Variants in LDB2 observed in about 807,000 individuals in gnomAD.
LDB2 encodes the protein LIM domain binding 2.
In LDB2, 12 loss-of-function variants were observed where a neutral mutation model predicts 44.3. That is an observed-to-expected ratio of 0.27 (90% CI 0.17 to 0.44). The LOEUF is 0.44. LDB2 is among the 20% of genes least tolerant of loss of function. The probability of loss-of-function intolerance (pLI) is 1.00; values close to 1 mark genes in which losing one functional copy is unlikely to be tolerated. For missense variants in LDB2, 344 were observed against 473.5 expected, an observed-to-expected ratio of 0.73 and a Z score of 2.54; for synonymous variants, 164 against 174.8, an observed-to-expected ratio of 0.94 and a Z score of 0.49.
At chr4:16,646,269 T>C (rs1441182345) in intron 2 of LDB2, among the ~76,000 whole-genome samples, 1 of 152,242 alleles carries the variant, frequency 6.6e-6, no homozygotes, top group East Asian at 1.9e-4. Flanking sequence ...TCTTTTTTTG[T>C]CTATTTCTCT....
intron 5 of LDB2, among the ~76,000 whole-genome samples, chr4:16,546,409 T>C (rs1264361980): frequency 6.6e-6 from 1 of 152,250 alleles, no homozygotes; most frequent in Non-Finnish European, 1.5e-5. Context: ...ATAATTACCA[T>C]ATATAGATAG....
chr4:16,880,981 T>C (rs1719925501), intron 1 of LDB2, among the ~76,000 whole-genome samples: 1 of 151,638 alleles, frequency 6.6e-6, no homozygotes, highest in Non-Finnish European at 1.5e-5. Context: ...CTTGGTGCTA[T>C]GACTCTCACA....
chr4:16,634,304 A>G (rs1343660119), intron 2 of LDB2, among the ~76,000 whole-genome samples: 1 of 151,776 alleles, frequency 6.6e-6, no homozygotes, highest in East Asian at 1.9e-4. Context: ...GCCAAAAAAA[A>G]AAAAAAAAAA....
At chr4:16,574,104 G>C (rs962848163) in intron 5 of LDB2, among the ~76,000 whole-genome samples, 1 of 152,146 alleles carries the variant, frequency 6.6e-6, no homozygotes, top group South Asian at 2.1e-4. Context: ...ATCAGCGGAG[G>C]CTACATGCAG....
chr4:16,724,706 A>G (rs1009706206), intron 2 of LDB2, among the ~76,000 whole-genome samples: 1 of 152,196 alleles, frequency 6.6e-6, no homozygotes. Flanking sequence ...AGCCCAAATT[A>G]CAGTGAGCAG....
intron 2 of LDB2, among the ~76,000 whole-genome samples, chr4:16,697,994 C>A (rs1203103052): frequency 2.0e-5 from 3 of 152,120 alleles, no homozygotes; most frequent in African/African-American, 7.2e-5. Flanking sequence ...AAATGAATTC[C>A]ATTTTGTGTG....
At chr4:16,614,190 G>C (rs1015458154) in intron 2 of LDB2, among the ~76,000 whole-genome samples, 1 of 152,174 alleles carries the variant, frequency 6.6e-6, no homozygotes, top group African/African-American at 2.4e-5. Context: ...TTCAGTAAAT[G>C]GTGCTGGGAA....
intron 2 of LDB2, among the ~76,000 whole-genome samples, chr4:16,634,355 A>G (rs1359901402): frequency 6.6e-6 from 1 of 151,976 alleles, no homozygotes; most frequent in Non-Finnish European, 1.5e-5. Flanking sequence ...AGAATGGGAG[A>G]AACTTTTTGC....
chr4:16,882,205 T>G (rs1433884617), intron 1 of LDB2, among the ~76,000 whole-genome samples: 1 of 152,184 alleles, frequency 6.6e-6, no homozygotes, highest in Non-Finnish European at 1.5e-5. Context: ...GGGCAGGGTT[T>G]ATATATGGTC....
intron 5 of LDB2, among the ~76,000 whole-genome samples, chr4:16,561,641 G>C (rs539220829): frequency 3.9e-5 from 6 of 152,224 alleles, no homozygotes; most frequent in Middle Eastern, 6.8e-3. Context: ...TGGCCATACT[G>C]CCCAAGGTAG....
At chr4:16,780,872 G>A (rs184945221) in intron 1 of LDB2, among the ~76,000 whole-genome samples, 1 of 152,132 alleles carries the variant, frequency 6.6e-6, no homozygotes, top group Admixed American at 6.5e-5. Context: ...TTCTTGGAAG[G>A]TTAAGCAATT....
intron 1 of LDB2, among the ~76,000 whole-genome samples, chr4:16,791,556 G>GAAA (rs67578284): frequency 2.0e-4 from 12 of 59,020 alleles, no homozygotes; most frequent in Non-Finnish European, 2.5e-4. Context: ...CTCTGGCTCA[G>GAAA]AAAAAAAAAA....
intron 5 of LDB2, among the ~76,000 whole-genome samples, chr4:16,574,053 T>C (rs998378822): frequency 6.6e-6 from 1 of 152,216 alleles, no homozygotes; most frequent in African/African-American, 2.4e-5. Flanking sequence ...CCAAAGCGAA[T>C]TGCCCAATTC....
At chr4:16,797,708 C>T (rs540331235) in intron 1 of LDB2, among the ~76,000 whole-genome samples, 27 of 152,126 alleles carry the variant, frequency 1.8e-4, no homozygotes, top group African/African-American at 6.5e-4. Flanking sequence ...GTGAGCCAGA[C>T]TCCCTGCTCA....
In LDB2 at chr4:16,631,497, C is replaced by T. The variant is rs536787253; in HGVS notation, c.236-35622G>A. On this transcript the variant is annotated intron_variant, in intron 2 of 7. Transcript: ENST00000304523. The stretch of plus-strand genomic sequence containing the variant: ...AGAGAAAGCAGGAGAGATCTAAAAT[C>T]GACACTCTAACATCACAATTAAAAG... 3.4e-4 allele frequency among the ~76,000 whole-genome samples: 52 copies of T among 151,984 alleles called. No homozygotes were observed. In the South Asian group the frequency reaches 9.8e-3, roughly 29 times the overall value.
intron 1 of LDB2, among the ~76,000 whole-genome samples, chr4:16,795,839 A>G (rs953755328): frequency 6.6e-6 from 1 of 152,110 alleles, no homozygotes. Context: ...AATACTTTCT[A>G]TTGTTAAAAT....
intron 5 of LDB2, among the ~76,000 whole-genome samples, chr4:16,554,865 C>T (rs1337603873): frequency 6.6e-6 from 1 of 152,102 alleles, no homozygotes; most frequent in African/African-American, 2.4e-5. Flanking sequence ...ATAAATTTGT[C>T]CAAACCTCTA....
intron 7 of LDB2, chr4:16,506,247 T>G (rs1719381857): frequency 8.2e-6 from 3 of 367,322 alleles, no homozygotes; most frequent in Non-Finnish European, 1.5e-5. Flanking sequence ...AGGACACATA[T>G]GAATTTGTAC....
chr4:16,859,994 C>T (rs1214190428), intron 1 of LDB2, among the ~76,000 whole-genome samples: 2 of 152,122 alleles, frequency 1.3e-5, no homozygotes, highest in African/African-American at 4.8e-5. Context: ...TCTCAGAAAA[C>T]CATGCCAGTC....
Sources: allele counts gnomAD v4.1 joint callset (sites outside exome capture counted in the v4.1 genomes callset), GRCh38; gene constraint gnomAD v4.1.1; transcripts MANE v1.5; gene names NCBI Gene and HGNC (gene_info 2026-07-23, HGNC 2026-07-21).